The following RGS6 variants were observed in gnomAD, a reference collection of about 807,000 sequenced individuals.
The protein encoded by RGS6 is regulator of G protein signaling 6.
Under a neutral mutation model 78.5 loss-of-function variants are expected in RGS6, and 30 were observed. The observed-to-expected ratio is 0.38, with a 90% CI of 0.29 to 0.52. The LOEUF (loss-of-function observed/expected upper bound fraction) is 0.52. Among genes scored for constraint, RGS6 ranks in the 20% least tolerant of loss-of-function variants. RGS6 has a pLI of 0.85. For missense variants in RGS6, 495 were observed against 609.7 expected (o/e 0.81, Z 1.98); for synonymous variants, 206 against 206.0 (o/e 1.00, Z 0.00).
intron 2 of RGS6, among the ~76,000 whole-genome samples, chr14:72,107,562 T>G (rs1210143177): frequency 1.3e-5 from 2 of 152,194 alleles, no homozygotes; most frequent in Non-Finnish European, 2.9e-5. Flanking sequence ...ACTTGATTCT[T>G]TTTTACTGAG....
intron 2 of RGS6, among the ~76,000 whole-genome samples, chr14:72,228,234 A>T (rs2048615525): frequency 6.6e-6 from 1 of 152,108 alleles, no homozygotes; most frequent in African/African-American, 2.4e-5. Flanking sequence ...CAAAAAAATT[A>T]GCCCTGCATT....
At chr14:72,306,215 C>G (rs908882696) in intron 2 of RGS6, among the ~76,000 whole-genome samples, 1 of 152,128 alleles carries the variant, frequency 6.6e-6, no homozygotes, top group Non-Finnish European at 1.5e-5. Context: ...ATTTTAAGAC[C>G]ACTGTTGAGA....
At chr14:72,589,493 T>C in the RGS6 span, among the ~76,000 whole-genome samples, 1 of 152,144 alleles carries the variant, frequency 6.6e-6, no homozygotes, top group Non-Finnish European at 1.5e-5. Context: ...GAGGTTGCAG[T>C]GAGCTGAGAT....
chr14:72,412,176 G>T (rs1322847710), intron 3 of RGS6, among the ~76,000 whole-genome samples: 1 of 152,124 alleles, frequency 6.6e-6, no homozygotes, highest in Admixed American at 6.5e-5. Flanking sequence ...GGTAGAATTC[G>T]GCTGTGAATC....
chr14:72,175,384 A>C (rs2097092014), intron 2 of RGS6, among the ~76,000 whole-genome samples: 1 of 152,318 alleles, frequency 6.6e-6, no homozygotes, highest in Admixed American at 6.5e-5. Flanking sequence ...TGTACCAATA[A>C]TCAACTTTTC....
chr14:72,047,015 C>T (rs1020355261), intron 2 of RGS6, among the ~76,000 whole-genome samples: 7 of 152,210 alleles, frequency 4.6e-5, no homozygotes, highest in Non-Finnish European at 8.8e-5. Context: ...TGCACCAGGA[C>T]CAATGCTTGG....
the RGS6 span, among the ~76,000 whole-genome samples, chr14:72,576,335 A>G: frequency 6.6e-6 from 1 of 152,174 alleles, no homozygotes; most frequent in African/African-American, 2.4e-5. Context: ...TCTCCTCCCA[A>G]AAAGTACATA....
chr14:71,869,512 A>G, the RGS6 span, among the ~76,000 whole-genome samples: 2 of 152,248 alleles, frequency 1.3e-5, no homozygotes, highest in Non-Finnish European at 2.9e-5. Context: ...CACTGTTGCT[A>G]CAGTCACTGC....
chr14:72,050,267 A>G (rs1483568868), intron 2 of RGS6, among the ~76,000 whole-genome samples: 1 of 152,240 alleles, frequency 6.6e-6, no homozygotes, highest in East Asian at 1.9e-4. Context: ...ATTTAGTTTC[A>G]CCATCTGGAA....
At chr14:71,931,818 A>C (rs1173089269), upstream of RGS6, among the ~76,000 whole-genome samples, 1 of 152,168 alleles carries the variant, frequency 6.6e-6, no homozygotes, top group Non-Finnish European at 1.5e-5. Flanking sequence ...TTCCCCCAAG[A>C]ATATCTGAGA....
chr14:72,353,593 A>C (rs1002431183), intron 3 of RGS6, among the ~76,000 whole-genome samples: 2 of 152,228 alleles, frequency 1.3e-5, no homozygotes. Flanking sequence ...GCAAAAGACA[A>C]CAGGAGGGAG....
Position 72,536,205 on chromosome 14 carries a change from T to C in RGS6, c.1298T>C (p.Met433Thr). 1.2e-6 allele frequency: 2 copies of C among 1,613,754 alleles called. No individual in the cohort carries two copies. Among genetic ancestry groups the C allele is most frequent in the Non-Finnish European group, 1.7e-6 (2 of 1,179,744 alleles). ...EDAQEHIYKL[M>T]KSDSYARFLR... ...CCCCAGGAGCACATCTACAAGCTGA[T>C]GAAGAGTGACAGCTATGCCCGCTTC... The change falls in exon 16 of 18, where the codon ATG (methionine) becomes ACG (threonine). Residue 433 changes from methionine to threonine, a missense_variant. Physicochemically the swap from Met to Thr is moderately conservative, Grantham distance 81. Transcript: ENST00000553525.
chr14:72,257,121 G>C (rs1209360532), intron 2 of RGS6, among the ~76,000 whole-genome samples: 1 of 152,152 alleles, frequency 6.6e-6, no homozygotes, highest in Non-Finnish European at 1.5e-5. Context: ...ATTTGTTCTA[G>C]GGATTTAATA....
chr14:71,981,542 G>C (rs796496599), intron 2 of RGS6, among the ~76,000 whole-genome samples: 4 of 139,298 alleles, frequency 2.9e-5, no homozygotes, highest in African/African-American at 1.1e-4. Context: ...GTGTGCCCCT[G>C]CTGGGGGGTG....
chr14:72,583,041 T>C, the RGS6 span, among the ~76,000 whole-genome samples: 1 of 152,078 alleles, frequency 6.6e-6, no homozygotes, highest in South Asian at 2.1e-4. Context: ...AAGAGCAAAT[T>C]CATTCTCTTC....
chr14:72,293,702 C>A (rs1260215697), intron 2 of RGS6, among the ~76,000 whole-genome samples: 1 of 152,170 alleles, frequency 6.6e-6, no homozygotes, highest in Non-Finnish European at 1.5e-5. Flanking sequence ...CTGTACTCAG[C>A]AGTAGACTCA....
chr14:72,143,267 G>A (rs2096564773), intron 2 of RGS6, among the ~76,000 whole-genome samples: 1 of 152,110 alleles, frequency 6.6e-6, no homozygotes, highest in East Asian at 1.9e-4. Flanking sequence ...CAGCTGCTCG[G>A]GAGGCTGATG....
intron 2 of RGS6, among the ~76,000 whole-genome samples, chr14:72,161,222 C>T (rs1396392729): frequency 6.6e-6 from 1 of 152,084 alleles, no homozygotes; most frequent in East Asian, 1.9e-4. Flanking sequence ...ACATCACATA[C>T]CAGGGCCTGT....
At chr14:72,143,679 G>C (rs1274657328) in intron 2 of RGS6, among the ~76,000 whole-genome samples, 1 of 152,152 alleles carries the variant, frequency 6.6e-6, no homozygotes, top group Non-Finnish European at 1.5e-5. Flanking sequence ...TATTCACTTA[G>C]CCATTCCTAG....
Sources: allele counts gnomAD v4.1 joint callset (sites outside exome capture counted in the v4.1 genomes callset), GRCh38; gene constraint gnomAD v4.1.1; transcripts MANE v1.5; gene names NCBI Gene and HGNC (gene_info 2026-07-23, HGNC 2026-07-21).